Variants in TMPRSS11F observed in about 807,000 individuals in gnomAD.
The protein encoded by TMPRSS11F is transmembrane serine protease 11F, also known as transmembrane protease serine 11F.
TMPRSS11F carries 47 observed loss-of-function variants against 60.2 expected under a neutral mutation model. The observed-to-expected ratio is 0.78, with a 90% CI of 0.62 to 1.00. The LOEUF (loss-of-function observed/expected upper bound fraction) is 1.00. Ranked by LOEUF, TMPRSS11F falls within the 50% of genes least tolerant of loss-of-function variation. The probability of loss-of-function intolerance (pLI) is 0.00; values close to 1 mark genes in which losing one functional copy is unlikely to be tolerated. For missense variants in TMPRSS11F, 519 were observed against 522.9 expected, an observed-to-expected ratio of 0.99 and a Z score of 0.07; for synonymous variants, 166 against 167.3, an observed-to-expected ratio of 0.99 and a Z score of 0.06.
chr4:68,061,393 A>G (rs1422978302), intron 8 of TMPRSS11F, among the ~76,000 whole-genome samples: 4 of 152,238 alleles, frequency 2.6e-5, no homozygotes, highest in Non-Finnish European at 5.9e-5. Flanking sequence ...TAAATTTCAT[A>G]AAGTCTAGTC....
At chr4:68,095,189 A>T (rs755161640) in intron 2 of TMPRSS11F, among the ~76,000 whole-genome samples, 31 of 151,384 alleles carry the variant, frequency 2.0e-4, no homozygotes, top group Non-Finnish European at 4.1e-4. Context: ...TATGTATAAC[A>T]CATAATATGT....
At chr4:68,070,769 C>G (rs1723443374) in intron 5 of TMPRSS11F, among the ~76,000 whole-genome samples, 1 of 152,116 alleles carries the variant, frequency 6.6e-6, no homozygotes, top group South Asian at 2.1e-4. Flanking sequence ...TTCTGTTTGT[C>G]AGTGAGAACA....
chr4:68,103,569 T>C (rs1724237534), intron 1 of TMPRSS11F, among the ~76,000 whole-genome samples: 1 of 152,206 alleles, frequency 6.6e-6, no homozygotes. Context: ...CATAGCTTTG[T>C]AATACAATTT....
chr4:68,069,872 TA>T (rs1723415238), intron 6 of TMPRSS11F, 96 bp downstream of exon 6: 4 of 982,466 alleles, frequency 4.1e-6, no homozygotes, highest in Non-Finnish European at 4.5e-6. Context: ...AAATGAGTCT[TA>T]AAAAGCTTGG....
chr4:68,066,530 C>T (rs1388209096), intron 7 of TMPRSS11F, among the ~76,000 whole-genome samples: 2 of 152,188 alleles, frequency 1.3e-5, no homozygotes, highest in Non-Finnish European at 2.9e-5. Flanking sequence ...AATGTTTTCC[C>T]CACTCACACT....
intron 8 of TMPRSS11F, 102 bp from the exon 9 acceptor site, chr4:68,059,570 A>G: frequency 8.5e-7 from 1 of 1,181,006 alleles, no homozygotes; most frequent in Non-Finnish European, 1.2e-6. Context: ...GCCAAAGATT[A>G]TTTTATTAAC....
chr4:68,125,809 TAA>T (rs1269650117), intron 1 of TMPRSS11F, among the ~76,000 whole-genome samples: 1 of 152,174 alleles, frequency 6.6e-6, no homozygotes, highest in Non-Finnish European at 1.5e-5. Context: ...TTTATAGTGT[TAA>T]GAGGTCCTGC....
At position 68,093,021 on chromosome 4, in the gene TMPRSS11F, G is replaced by C. The variant is rs574186953; in HGVS notation, c.164-2380C>G. On this transcript the variant is annotated intron_variant, in intron 2 of 9. Transcript: ENST00000356291. Reference sequence around the variant, plus strand: ...TTATTGAATTGTCCTTATATGCAGAGAACATGATATTTGCCATTTATTGAA... The same window carrying C: ...TTATTGAATTGTCCTTATATGCAGACAACATGATATTTGCCATTTATTGAA... 2.7e-4 allele frequency among the ~76,000 whole-genome samples: 41 copies of C among 152,182 alleles called. No homozygotes were observed. In the Middle Eastern group the frequency reaches 0.01, roughly 38 times the overall value.
intron 2 of TMPRSS11F, 72 bp from the exon 3 acceptor site, chr4:68,090,713 C>T (rs892792554): frequency 2.0e-6 from 3 of 1,526,288 alleles, no homozygotes; most frequent in Admixed American, 4.5e-5. Flanking sequence ...GTCTTGCCCA[C>T]ACCTGCTAAA....
intron 1 of TMPRSS11F, among the ~76,000 whole-genome samples, chr4:68,112,909 A>C (rs937514536): frequency 3.9e-5 from 6 of 152,210 alleles, no homozygotes; most frequent in African/African-American, 1.4e-4. Context: ...TATGTGATTA[A>C]AAATATTAAT....
chr4:68,123,492 G>T (rs1041339387), intron 1 of TMPRSS11F, among the ~76,000 whole-genome samples: 1 of 152,174 alleles, frequency 6.6e-6, no homozygotes. Context: ...AATATCCCAT[G>T]AGTTAATATT....
chr4:68,115,356 C>CAAAAAAAAAAAAA (rs57550471), intron 1 of TMPRSS11F, among the ~76,000 whole-genome samples: 2 of 74,688 alleles, frequency 2.7e-5, no homozygotes, highest in Non-Finnish European at 5.1e-5. Context: ...GACACCATCT[C>CAAAAAAAAAAAAA]AAAAAAAAAA....
intron 2 of TMPRSS11F, among the ~76,000 whole-genome samples, chr4:68,092,818 G>A (rs1455809476): frequency 6.6e-6 from 1 of 151,918 alleles, no homozygotes; most frequent in Non-Finnish European, 1.5e-5. Context: ...GAATTTCCAT[G>A]TTAGGCAAAA....
intron 1 of TMPRSS11F, among the ~76,000 whole-genome samples, chr4:68,113,400 T>C (rs1243554746): frequency 2.5e-5 from 3 of 121,278 alleles, no homozygotes; most frequent in Non-Finnish European, 3.6e-5. Flanking sequence ...CGGCCTACTG[T>C]AAAATGAAAA....
chr4:68,128,186 T>C (rs1021954888), intron 1 of TMPRSS11F, among the ~76,000 whole-genome samples: 1 of 152,130 alleles, frequency 6.6e-6, no homozygotes, highest in Non-Finnish European at 1.5e-5. Flanking sequence ...ACTAATGAAT[T>C]CAATAAATCC....
At chr4:68,072,529 A>C in intron 4 of TMPRSS11F, 43 bp from the exon 5 acceptor site, 1 of 1,401,468 alleles carries the variant, frequency 7.1e-7, no homozygotes, top group African/African-American at 1.4e-5. Flanking sequence ...TTATCTAATC[A>C]TTAATGACTT....
Position 68,129,759 on chromosome 4 carries a change from T to C in TMPRSS11F, c.11+51A>G, listed in dbSNP as rs376607654. The C allele has an allele frequency of 8.2e-6, 13 of 1,588,710 alleles. No homozygotes were observed. In the African/African-American group the frequency reaches 1.5e-4, roughly 18 times the overall value. On this transcript the variant is annotated intron_variant, in intron 1 of 9. Transcript: ENST00000356291. The stretch of plus-strand genomic sequence containing the variant: ...TCTGTACTACCTGTCTCAGGAATTG[T>C]AAACCTCTGTCCCCACTGATAACCT...
chr4:68,118,821 G>C (rs1724573706), intron 1 of TMPRSS11F, among the ~76,000 whole-genome samples: 1 of 152,172 alleles, frequency 6.6e-6, no homozygotes, highest in Admixed American at 6.5e-5. Context: ...GTCAGGGAAG[G>C]TTCCTCTGAG....
chr4:68,113,207 A>G (rs1250768884), intron 1 of TMPRSS11F, among the ~76,000 whole-genome samples: 2 of 152,210 alleles, frequency 1.3e-5, no homozygotes, highest in Non-Finnish European at 2.9e-5. Context: ...GGTCTCAGAA[A>G]TGAGAAACGT....
Sources: gnomAD v4.1 joint callset for allele counts (sites outside exome capture counted in the v4.1 genomes callset) on GRCh38, gnomAD v4.1.1 for gene constraint, MANE v1.5 for transcripts, NCBI Gene and HGNC (gene_info 2026-07-23, HGNC 2026-07-21) for gene names.